Variants in CADM2 observed in about 807,000 individuals in gnomAD.
The protein encoded by CADM2 is cell adhesion molecule 2, also known as immunoglobulin superfamily member 4D.
Under a neutral mutation model 49.8 loss-of-function variants are expected in CADM2, and 12 were observed. The observed-to-expected ratio is 0.24, with a 90% CI of 0.15 to 0.39. The LOEUF is 0.39. CADM2 is among the 10% of genes least tolerant of loss of function. The pLI is 1.00. For synonymous variants in CADM2, 214 were observed against 175.4 expected, an observed-to-expected ratio of 1.22 and a Z score of -1.74; for missense variants, 378 against 492.3, an observed-to-expected ratio of 0.77 and a Z score of 2.20.
chr3:85,667,712 G>C (rs2065611385), intron 1 of CADM2, among the ~76,000 whole-genome samples: 1 of 152,004 alleles, frequency 6.6e-6, no homozygotes, highest in Non-Finnish European at 1.5e-5. Context: ...TCTTGCCCCA[G>C]TGGCTTTACA....
chr3:85,759,204 A>G (rs1314617572), intron 2 of CADM2, among the ~76,000 whole-genome samples: 1 of 152,060 alleles, frequency 6.6e-6, no homozygotes, highest in Non-Finnish European at 1.5e-5. Flanking sequence ...AATAAAAGAC[A>G]TTGCTTGAGA....
chr3:85,227,111 G>T (rs963934924), intron 1 of CADM2, among the ~76,000 whole-genome samples: 3 of 152,104 alleles, frequency 2.0e-5, no homozygotes, highest in Non-Finnish European at 2.9e-5. Flanking sequence ...TTGATTTGGG[G>T]TGTAGAGTTC....
intron 1 of CADM2, among the ~76,000 whole-genome samples, chr3:85,127,409 G>C (rs2039072711): frequency 1.3e-5 from 2 of 152,154 alleles, no homozygotes. Context: ...TGGAGTTCTT[G>C]AAATGTGGGC....
intron 1 of CADM2, among the ~76,000 whole-genome samples, chr3:85,398,451 T>C (rs538507108): frequency 1.3e-5 from 2 of 152,332 alleles, no homozygotes; most frequent in East Asian, 3.9e-4. Context: ...TTGTGAATAG[T>C]GCCGCAATAA....
At chr3:85,592,014 G>A (rs2063121986) in intron 1 of CADM2, among the ~76,000 whole-genome samples, 2 of 151,612 alleles carry the variant, frequency 1.3e-5, no homozygotes, top group Admixed American at 1.3e-4. Flanking sequence ...TGTATAGAAA[G>A]ACTTAATAGA....
intron 1 of CADM2, among the ~76,000 whole-genome samples, chr3:85,619,096 A>G (rs932135950): frequency 6.6e-6 from 1 of 152,030 alleles, no homozygotes; most frequent in Admixed American, 6.6e-5. Flanking sequence ...TGAAACTTAT[A>G]CTGGAGTTAC....
intron 1 of CADM2, among the ~76,000 whole-genome samples, chr3:85,420,943 T>C (rs1433920182): frequency 2.0e-5 from 3 of 152,174 alleles, no homozygotes; most frequent in Admixed American, 6.5e-5. Context: ...ACAGCTTTGA[T>C]TTCACAAAAA....
At chr3:85,894,415 G>A (rs1714926240) in intron 5 of CADM2, among the ~76,000 whole-genome samples, 1 of 152,068 alleles carries the variant, frequency 6.6e-6, no homozygotes, top group African/African-American at 2.4e-5. Flanking sequence ...GTTAATGGGT[G>A]CAGCACACCA....
chr3:86,006,132 G>C (rs1730762251), intron 8 of CADM2, among the ~76,000 whole-genome samples: 1 of 152,126 alleles, frequency 6.6e-6, no homozygotes, highest in Admixed American at 6.5e-5. Context: ...TGGACATTGA[G>C]GTTGCTTCCA....
intron 1 of CADM2, among the ~76,000 whole-genome samples, chr3:85,056,561 G>A (rs2036087805): frequency 6.6e-6 from 1 of 151,976 alleles, no homozygotes. Context: ...TTTGAATTCA[G>A]GCACACCTAG....
chr3:85,449,368 T>A (rs1207593075), intron 1 of CADM2, among the ~76,000 whole-genome samples: 1 of 152,014 alleles, frequency 6.6e-6, no homozygotes, highest in African/African-American at 2.4e-5. Flanking sequence ...TTTTTTTAAG[T>A]CAAATTGCAC....
At chr3:85,027,100 T>C (rs1239435933) in intron 1 of CADM2, among the ~76,000 whole-genome samples, 5 of 130,158 alleles carry the variant, frequency 3.8e-5, no homozygotes, top group Admixed American at 8.6e-5. Flanking sequence ...TTGTTGCTTT[T>C]TCTTTTTCCT....
At chr3:84,985,690 A>G (rs2032512074) in intron 1 of CADM2, among the ~76,000 whole-genome samples, 1 of 152,166 alleles carries the variant, frequency 6.6e-6, no homozygotes, top group African/African-American at 2.4e-5. Flanking sequence ...ATTATCCTCA[A>G]TGTCACTAAA....
At chr3:85,177,857 AT>A (rs745385681) in intron 1 of CADM2, among the ~76,000 whole-genome samples, 36 of 152,006 alleles carry the variant, frequency 2.4e-4, no homozygotes, top group Non-Finnish European at 5.0e-4. Flanking sequence ...TTAATCTAAT[AT>A]TGTTATATAT....
intron 1 of CADM2, among the ~76,000 whole-genome samples, chr3:85,229,969 T>A (rs2042250415): frequency 2.0e-5 from 3 of 152,182 alleles, no homozygotes; most frequent in African/African-American, 7.2e-5. Flanking sequence ...ATAACTTGTG[T>A]TATTAAACTG....
chr3:85,011,971 A>C (rs778247781), intron 1 of CADM2, among the ~76,000 whole-genome samples: 5 of 152,176 alleles, frequency 3.3e-5, no homozygotes, highest in Non-Finnish European at 7.4e-5. Context: ...GAATATAGTT[A>C]AGTAAAAAAA....
intron 1 of CADM2, among the ~76,000 whole-genome samples, chr3:85,064,084 T>C (rs1006634925): frequency 2.6e-5 from 4 of 152,106 alleles, no homozygotes; most frequent in Non-Finnish European, 5.9e-5. Flanking sequence ...TCAATTGTTT[T>C]GGTATGGCTG....
intron 1 of CADM2, among the ~76,000 whole-genome samples, chr3:85,109,354 AGAGAAAGAGAGACAGTGGG>A (rs2038365933): frequency 6.6e-6 from 1 of 151,978 alleles, no homozygotes; most frequent in African/African-American, 2.4e-5. Flanking sequence ...ACATAAACAT[AGAGAAAGAGAGACAGTGGG>A]GAGAAAGAGA....
chr3:85,954,503 T>C (rs1723806763), intron 7 of CADM2, among the ~76,000 whole-genome samples: 1 of 151,106 alleles, frequency 6.6e-6, no homozygotes, highest in African/African-American at 2.4e-5. Context: ...TTTAGATTGC[T>C]TTGTATTTAC....
Sources: gnomAD v4.1 joint callset for allele counts (sites outside exome capture counted in the v4.1 genomes callset) on GRCh38, gnomAD v4.1.1 for gene constraint, MANE v1.5 for transcripts, NCBI Gene and HGNC (gene_info 2026-07-23, HGNC 2026-07-21) for gene names.